DNAH17: variants seen among roughly 807,000 people sequenced by gnomAD.
DNAH17 encodes axonemal beta dynein heavy chain 17.
DNAH17 carries 376 observed loss-of-function variants against 485.6 expected under a neutral mutation model. The observed-to-expected ratio is 0.77, with a 90% confidence interval of 0.71 to 0.84. DNAH17 has a LOEUF of 0.84. Among genes scored for constraint, DNAH17 ranks in the 40% least tolerant of loss-of-function variants. The pLI is 0.00. For synonymous variants in DNAH17, 3,031 were observed against 2,405.9 expected, an observed-to-expected ratio of 1.26 and a Z score of -7.60; for missense variants, 6,370 against 5,839.3, an observed-to-expected ratio of 1.09 and a Z score of -2.96.
intron 18 of DNAH17, among the ~76,000 whole-genome samples, chr17:78,537,760 T>C (rs2091416733): frequency 6.6e-6 from 1 of 152,246 alleles, no homozygotes; most frequent in African/African-American, 2.4e-5. Context: ...CCACACCTGC[T>C]ACTTGCCAGC....
At chr17:78,454,782 GCT>G (rs2087717852) in intron 63 of DNAH17, 77 bp from the exon 64 acceptor site, 24 of 1,290,948 alleles carry the variant, frequency 1.9e-5, no homozygotes, top group Non-Finnish European at 2.4e-5. Flanking sequence ...TCCAAATAAT[GCT>G]CTGTCTGGTG....
At chr17:78,522,640 A>G (rs1381297629) in intron 25 of DNAH17, 3 of 225,210 alleles carry the variant, frequency 1.3e-5, no homozygotes, top group Admixed American at 6.1e-5. Context: ...CCCAGGCCAG[A>G]GCTGCTGGCC....
intron 13 of DNAH17, among the ~76,000 whole-genome samples, chr17:78,559,779 C>G (rs892652235): frequency 3.3e-5 from 5 of 152,110 alleles, no homozygotes; most frequent in African/African-American, 1.2e-4. Context: ...CTCGTCACCT[C>G]TCATCTCTTC....
At chr17:78,510,925 C>T (rs1232747754) in intron 26 of DNAH17, among the ~76,000 whole-genome samples, 2 of 152,320 alleles carry the variant, frequency 1.3e-5, no homozygotes, top group Non-Finnish European at 2.9e-5. Flanking sequence ...CTGAGGCACA[C>T]AGGAAAGAGG....
At chr17:78,565,585 AG>A in intron 11 of DNAH17, among the ~76,000 whole-genome samples, 1 of 152,324 alleles carries the variant, frequency 6.6e-6, no homozygotes, top group South Asian at 2.1e-4. Context: ...TAAACTGTTC[AG>A]ATCAGGGGCC....
At chr17:78,571,230 G>A (rs1361337060) in intron 5 of DNAH17, 49 bp downstream of exon 5, 1 of 1,524,656 alleles carries the variant, frequency 6.6e-7, no homozygotes, top group Non-Finnish European at 9.0e-7. Flanking sequence ...GCCCTCCCAG[G>A]AGGCACAAAC....
At chr17:78,454,217 A>G (rs1273432672) in intron 64 of DNAH17, among the ~76,000 whole-genome samples, 4 of 152,148 alleles carry the variant, frequency 2.6e-5, no homozygotes, top group Non-Finnish European at 5.9e-5. Flanking sequence ...GCCAAGCGGG[A>G]GGCAACCCCA....
rs766071137 is a variant in DNAH17 at position 78,505,361 on chromosome 17, C to T, written c.4888G>A (p.Gly1630Ser). 1.4e-5 allele frequency: 22 copies of T among 1,613,976 alleles called. No individual in the cohort carries two copies. In the South Asian group the frequency reaches 2.3e-4, roughly 17 times the overall value. The change falls in exon 31 of 81, where the codon GGC (glycine) becomes AGC (serine). Residue 1630 changes from glycine to serine, a missense_variant. Transcript: ENST00000389840. ...TCCTCCTTGCTGTACATTCCCAGGC[C>T]CACCTTGAGAGGTTTGTCACTGGCA... Reference protein sequence around the residue: ...LDASDKPLKVGLGMYSKEDEY... With the variant: ...LDASDKPLKVSLGMYSKEDEY...
intron 36 of DNAH17, 105 bp downstream of exon 36, chr17:78,500,200 A>G: frequency 7.8e-7 from 1 of 1,278,272 alleles, no homozygotes; most frequent in South Asian, 1.5e-5. Flanking sequence ...ATTCACAGGT[A>G]TCCAGAGATC....
Position 78,453,458 on chromosome 17 carries a change from C to A in DNAH17, c.10414G>T (p.Asp3472Tyr). ...AIRLGQKSYLDVIEQAISEGD... is the reference protein window; with the variant it reads ...AIRLGQKSYLYVIEQAISEGD... ...TCCGAGATGGCCTGCTCGATGACAT[C>A]CAGGTAGCTGCGGGCACAACACGGA... is the stretch of plus-strand genomic sequence containing the variant. Residue 3472 changes from aspartate to tyrosine, a missense_variant, in exon 65 of 81, where the codon GAT becomes TAT. Physicochemically the swap from Asp to Tyr is radical, Grantham distance 160 (BLOSUM62 -3). Coordinates refer to ENST00000389840, the MANE Select transcript of DNAH17 (RefSeq NM_173628.4). The A allele has an allele frequency of 6.2e-7, 1 of 1,613,926 alleles. No individual in the cohort carries two copies. Among genetic ancestry groups the A allele is most frequent in the East Asian group, 2.2e-5 (1 of 44,886 alleles).
rs182475959 is a variant in DNAH17, at chr17:78,500,443, G to C, written c.5502C>G (p.Thr1834=). The change falls in exon 36 of 81, where the codon ACC becomes ACG. Residue 1834 remains threonine (T), a synonymous_variant. Coordinates refer to ENST00000389840, the MANE Select transcript of DNAH17 (RefSeq NM_173628.4). ...CACCCATGATGAGATGGAGGGACTG[G>C]GTCAGGGTGATATAGCACCTGCAAG... The part of the protein sequence containing the change: ...PLTDRCYITL[T]QSLHLIMGGA... The C allele has an allele frequency of 3.1e-6, 5 of 1,596,066 alleles. No homozygotes were observed. The Admixed American group carries it at 5.5e-5, about 18-fold the overall frequency.
chr17:78,498,831 T>C (rs904482168), intron 37 of DNAH17, 177 bp downstream of exon 37: 6 of 496,176 alleles, frequency 1.2e-5, no homozygotes, highest in African/African-American at 1.2e-4. Flanking sequence ...TTTCAATGTG[T>C]TTGCCTAACC....
At chr17:78,522,384 G>C in intron 25 of DNAH17, 1 of 284,598 alleles carries the variant, frequency 3.5e-6, no homozygotes, top group Non-Finnish European at 7.1e-6. Context: ...AAGAGGAAGA[G>C]GGACTTTTTA....
At chr17:78,465,845 G>A (rs1243173225) in intron 56 of DNAH17, among the ~76,000 whole-genome samples, 7 of 151,288 alleles carry the variant, frequency 4.6e-5, no homozygotes, top group Admixed American at 6.6e-5. Flanking sequence ...CGCCCCGTCC[G>A]GGAGGTGAGG....
At position 78,490,798 on chromosome 17, in the gene DNAH17, C is replaced by G. The variant is rs764154619; in HGVS notation, c.6719G>C (p.Arg2240Thr). The change falls in exon 44 of 81, where the codon AGG becomes ACG. Residue 2240 changes from arginine (R) to threonine (T), a missense_variant. Coordinates refer to ENST00000389840, the MANE Select transcript of DNAH17 (RefSeq NM_173628.4). ...NERIPLNRTM[R>T]LVFEISHLRT... ...CAGGTGGCTGATTTCGAACACCAGC[C>G]TCATGGTGCGGTTCAGGGGGATCCG... The G allele has an allele frequency of 6.2e-7, 1 of 1,604,720 alleles. No individual in the cohort carries two copies. The highest frequency in any genetic ancestry group is 1.1e-5 in the South Asian group (1 of 89,088).
chr17:78,450,804 T>C lies in DNAH17; in HGVS notation c.10777A>G (p.Lys3593Glu), dbSNP rs570637230. ...KSQNEFKIVL[K>E]ELEDSLLARL... ...GCCAGGAGCGAATCTTCCAGCTCTT[T>C]CAGAACAATCTTAAATTCGTTTTGA... The change falls in exon 67 of 81, where the codon AAA (lysine) becomes GAA (glutamate). Residue 3593 changes from lysine to glutamate, a missense_variant. Physicochemically the swap from Lys to Glu is moderately conservative, Grantham distance 56. Transcript: ENST00000389840. 6.2e-7 allele frequency: 1 copy of C among 1,614,030 alleles called. No homozygotes were observed. Among genetic ancestry groups the C allele is most frequent in the African/African-American group, 1.3e-5 (1 of 75,066 alleles).
intron 25 of DNAH17, among the ~76,000 whole-genome samples, chr17:78,515,494 G>A (rs1042497430): frequency 8.6e-5 from 13 of 150,914 alleles, no homozygotes; most frequent in Middle Eastern, 3.4e-3. Flanking sequence ...GGGTGACAGA[G>A]TGAGACTCCA....
At chr17:78,456,717 G>A (rs2087819398) in intron 62 of DNAH17, among the ~76,000 whole-genome samples, 2 of 152,228 alleles carry the variant, frequency 1.3e-5, no homozygotes, top group Admixed American at 6.5e-5. Context: ...GCCACTGAGG[G>A]TCTGTCTGTG....
At chr17:78,534,216 A>G (rs929611652) in intron 19 of DNAH17, among the ~76,000 whole-genome samples, 9 of 152,238 alleles carry the variant, frequency 5.9e-5, no homozygotes, top group African/African-American at 2.2e-4. Flanking sequence ...AAGACAGCCT[A>G]TAGCCCAGAG....
Sources: gnomAD v4.1 joint callset for allele counts (sites outside exome capture counted in the v4.1 genomes callset) on GRCh38, gnomAD v4.1.1 for gene constraint, MANE v1.5 for transcripts, NCBI Gene and HGNC (gene_info 2026-07-23, HGNC 2026-07-21) for gene names.